The following ZCCHC14 variants were observed in gnomAD, a reference collection of about 807,000 sequenced individuals.
ZCCHC14 encodes zinc finger CCHC-type containing 14.
A neutral mutation model predicts 85.0 loss-of-function variants in ZCCHC14; 16 were observed. That is an observed-to-expected ratio of 0.19 (90% CI 0.13 to 0.29). The LOEUF (loss-of-function observed/expected upper bound fraction) is 0.29. ZCCHC14 is among the 10% of genes least tolerant of loss of function. The pLI is 1.00. For synonymous variants in ZCCHC14, 775 were observed against 630.7 expected (o/e 1.23, Z -3.43); for missense variants, 1,303 against 1,443.5 (o/e 0.90, Z 1.58).
At chr16:87,426,306 C>T (rs1190494044) in intron 3 of ZCCHC14, among the ~76,000 whole-genome samples, 5 of 152,206 alleles carry the variant, frequency 3.3e-5, no homozygotes, top group Admixed American at 6.5e-5. Context: ...TATGGGGACA[C>T]GTGTCCAACC....
chr16:87,475,846 T>A (rs1396766589), intron 1 of ZCCHC14, among the ~76,000 whole-genome samples: 1 of 152,154 alleles, frequency 6.6e-6, no homozygotes, highest in Admixed American at 6.5e-5. Context: ...GGAGAAATTA[T>A]GGCTGAAAAT....
intron 1 of ZCCHC14, among the ~76,000 whole-genome samples, chr16:87,461,636 C>T (rs1038743152): frequency 5.9e-5 from 9 of 152,188 alleles, no homozygotes; most frequent in Admixed American, 3.3e-4. Flanking sequence ...TCCCAGCACT[C>T]GCTCTGCAGA....
intron 1 of ZCCHC14, among the ~76,000 whole-genome samples, chr16:87,486,391 T>C (rs1431735751): frequency 2.6e-5 from 4 of 152,228 alleles, no homozygotes; most frequent in African/African-American, 9.6e-5. Context: ...CAACTGCCTA[T>C]GGTATTCAGT....
chr16:87,476,047 G>A (rs967243411), intron 1 of ZCCHC14, among the ~76,000 whole-genome samples: 1 of 152,180 alleles, frequency 6.6e-6, no homozygotes, highest in Non-Finnish European at 1.5e-5. Flanking sequence ...AGCCCTGGAG[G>A]AGAGACAGGG....
chr16:87,484,269 A>G (rs1332966232), intron 1 of ZCCHC14, among the ~76,000 whole-genome samples: 3 of 152,240 alleles, frequency 2.0e-5, no homozygotes, highest in Admixed American at 1.3e-4. Flanking sequence ...CTTCCGTGCC[A>G]TCTGTGGGAG....
At chr16:87,465,111 G>A (rs1911458794) in intron 1 of ZCCHC14, among the ~76,000 whole-genome samples, 1 of 152,278 alleles carries the variant, frequency 6.6e-6, no homozygotes, top group East Asian at 1.9e-4. Context: ...ATCTGCCTGG[G>A]GCCTTCGCCC....
intron 1 of ZCCHC14, chr16:87,471,708 C>T (rs991990195): frequency 6.6e-6 from 1 of 152,234 alleles, no homozygotes; most frequent in Non-Finnish European, 1.5e-5. Context: ...AATCCCTGTT[C>T]CAGACACTGC....
In ZCCHC14 at chr16:87,412,549, T is replaced by G. The variant is rs148431721; in HGVS notation, c.2172A>C (p.Thr724=). 1.2e-6 allele frequency: 2 copies of G among 1,614,064 alleles called. No individual in the cohort carries two copies. Among genetic ancestry groups the G allele is most frequent in the South Asian group, 2.2e-5 (2 of 91,084 alleles). The part of the protein sequence containing the change: ...GLSESSSMSP[T]VSFGPRTKVV... ...CTTTGGTCCGGGGACCAAAGGAGACTGTGGGTGACATGGAGCTGCTCTCCG... is the reference window on the plus strand; with the variant it reads ...CTTTGGTCCGGGGACCAAAGGAGACGGTGGGTGACATGGAGCTGCTCTCCG... Residue 724 remains threonine (T), a synonymous_variant, in exon 12 of 13, where the codon ACA becomes ACC. Coordinates refer to ENST00000671377, the MANE Select transcript of ZCCHC14 (RefSeq NM_015144.3).
chr16:87,460,112 G>T lies in ZCCHC14; in HGVS notation c.590C>A (p.Ala197Asp). Residue 197 changes from alanine (A) to aspartate (D), a missense_variant, in exon 2 of 13, where the codon GCC becomes GAC. Coordinates refer to ENST00000671377, the MANE Select transcript of ZCCHC14 (RefSeq NM_015144.3). ...ACHKITPRTE[A>D]PVSSVSNSLE... ...ACTATTACTGACACTGCTGACAGGG[G>T]CCTCAGTTCTTGGAGTGATCTGAGG... 6.2e-7 allele frequency: 1 copy of T among 1,614,170 alleles called. No homozygotes were observed. Among genetic ancestry groups the T allele is most frequent in the Non-Finnish European group, 8.5e-7 (1 of 1,180,014 alleles).
In ZCCHC14 at chr16:87,492,134, C is replaced by T; in HGVS notation, c.105G>A (p.Leu35=). ...RVEFLCGLLD[L]CIPLELRFLG... Reference sequence around the variant, plus strand: ...GGAAGCGAAGCTCGAGCGGGATGCACAGGTCCAGCAGGCCGCACAGGAACT... The same window carrying T: ...GGAAGCGAAGCTCGAGCGGGATGCATAGGTCCAGCAGGCCGCACAGGAACT... Residue 35 remains leucine (L), a synonymous_variant, in exon 1 of 13, where the codon CTG becomes CTA. Transcript: ENST00000671377. This position sits in a 1 kb window ranked among gnomAD's most constrained non-coding sequence, Gnocchi z 6.7. 1 of 1,315,816 alleles carries T rather than the reference C, an allele frequency of 7.6e-7. No homozygotes were observed. The highest frequency in any genetic ancestry group is 1.7e-5 in the South Asian group (1 of 59,628). 81.5% of individuals were successfully genotyped at this position (1,315,816 alleles called of 1,614,324 possible).
At chr16:87,439,960 A>C (rs1253981132) in intron 2 of ZCCHC14, among the ~76,000 whole-genome samples, 2 of 152,210 alleles carry the variant, frequency 1.3e-5, no homozygotes, top group African/African-American at 2.4e-5. Context: ...TTATGCTGCT[A>C]ACAAGCATTT....
chr16:87,483,535 G>C (rs899818322), intron 1 of ZCCHC14, among the ~76,000 whole-genome samples: 12 of 151,932 alleles, frequency 7.9e-5, no homozygotes, highest in South Asian at 4.2e-4. Flanking sequence ...CAACTCAACA[G>C]AGATGAGCAA....
At chr16:87,488,052 C>T (rs1912594395) in intron 1 of ZCCHC14, among the ~76,000 whole-genome samples, 2 of 152,170 alleles carry the variant, frequency 1.3e-5, no homozygotes. Flanking sequence ...AGTGGTCGTG[C>T]TTGCACAGCT....
chr16:87,426,383 A>G (rs1909373013), intron 3 of ZCCHC14, among the ~76,000 whole-genome samples: 1 of 152,246 alleles, frequency 6.6e-6, no homozygotes, highest in Non-Finnish European at 1.5e-5. Flanking sequence ...AGTGTTGCCA[A>G]TTAGATTCTG....
Position 87,420,736 on chromosome 16 carries a change from AGAG to A in ZCCHC14, c.841-23_841-21del. The A allele has an allele frequency of 6.3e-7, 1 of 1,598,164 alleles. No homozygotes were observed. The highest frequency in any genetic ancestry group is 1.1e-5 in the South Asian group (1 of 88,750). On this transcript the variant is annotated intron_variant, in intron 4 of 12. Coordinates refer to ENST00000671377, the MANE Select transcript of ZCCHC14 (RefSeq NM_015144.3). This position sits in a 1 kb window ranked among gnomAD's most constrained non-coding sequence, Gnocchi z 5.0. ...ACATAGCTGGAAGAGAGGACAAGGT[AGAG>A]GAGGTGTGTCCAGACCCATCCAACA...
chr16:87,479,285 G>A (rs186733818), intron 1 of ZCCHC14, among the ~76,000 whole-genome samples: 21 of 151,960 alleles, frequency 1.4e-4, no homozygotes, highest in African/African-American at 1.7e-4. Flanking sequence ...GTGTGGTGGC[G>A]GGTGCCTGTA....
chr16:87,423,146 C>T (rs1034579289), intron 4 of ZCCHC14, among the ~76,000 whole-genome samples: 5 of 152,252 alleles, frequency 3.3e-5, no homozygotes, highest in Admixed American at 2.6e-4. Flanking sequence ...CACGCTACAG[C>T]ACAGGCCAGT....
At chr16:87,432,545 C>T (rs1485051372) in intron 3 of ZCCHC14, among the ~76,000 whole-genome samples, 1 of 152,296 alleles carries the variant, frequency 6.6e-6, no homozygotes, top group South Asian at 2.1e-4. Context: ...CCCCTAAGGG[C>T]ACCCTCAGGT....
At chr16:87,438,329 G>C (rs1297686449) in intron 2 of ZCCHC14, among the ~76,000 whole-genome samples, 2 of 152,254 alleles carry the variant, frequency 1.3e-5, no homozygotes, top group Non-Finnish European at 2.9e-5. Flanking sequence ...GCATGTACAA[G>C]AATGATATTA....
Sources: gnomAD v4.1 joint callset for allele counts (sites outside exome capture counted in the v4.1 genomes callset) on GRCh38, gnomAD v4.1.1 for gene constraint, Gnocchi (gnomAD v3.1) non-coding constraint, MANE v1.5 for transcripts, NCBI Gene and HGNC (gene_info 2026-07-23, HGNC 2026-07-21) for gene names.